GABRG3: variants seen among roughly 807,000 people sequenced by gnomAD.
GABRG3 encodes gamma-aminobutyric acid receptor subunit gamma-3.
In GABRG3, 25 loss-of-function variants were observed where a neutral mutation model predicts 48.8. That is an observed-to-expected ratio of 0.51 (90% CI 0.37 to 0.72). The LOEUF (loss-of-function observed/expected upper bound fraction) is 0.72. GABRG3 is among the 30% of genes least tolerant of loss of function. GABRG3 has a pLI of 0.00. For synonymous variants in GABRG3, 227 were observed against 217.6 expected (o/e 1.04, Z -0.38); for missense variants, 394 against 577.9 (o/e 0.68, Z 3.26).
At chr15:27,331,469 A>C (rs1253935304) in intron 5 of GABRG3, among the ~76,000 whole-genome samples, 1 of 152,244 alleles carries the variant, frequency 6.6e-6, no homozygotes, top group Admixed American at 6.5e-5. Context: ...ATGCATATTT[A>C]CTAGGTAAAA....
intron 3 of GABRG3, among the ~76,000 whole-genome samples, chr15:27,146,258 G>A (rs1370738775): frequency 6.6e-6 from 1 of 152,118 alleles, no homozygotes; most frequent in Non-Finnish European, 1.5e-5. Context: ...ATTGAGACCA[G>A]CCTGGCTAAC....
intron 2 of GABRG3, among the ~76,000 whole-genome samples, chr15:26,992,507 G>C (rs1483042312): frequency 1.3e-5 from 2 of 152,008 alleles, no homozygotes; most frequent in Non-Finnish European, 2.9e-5. Context: ...TTGTTCTGTC[G>C]ATATATCACA....
In GABRG3 at chr15:27,007,063, T is replaced by C. The variant is rs1895599508; in HGVS notation, c.203-19691T>C. On this transcript the variant is annotated intron_variant, in intron 2 of 9. Coordinates refer to ENST00000615808, the MANE Select transcript of GABRG3 (RefSeq NM_033223.5). The stretch of plus-strand genomic sequence containing the variant: ...GTTGTGAATAGTGCTGCAATGAACA[T>C]ACATGTGCATGTGTCTTTTTTTTTT... Among the ~76,000 whole-genome samples, 3 of 151,860 alleles carry C rather than the reference T, an allele frequency of 2.0e-5. No homozygotes were observed. The South Asian group carries it at 6.2e-4, about 32-fold the overall frequency.
chr15:27,302,266 C>T (rs550885120), intron 3 of GABRG3, among the ~76,000 whole-genome samples: 35 of 151,938 alleles, frequency 2.3e-4, no homozygotes, highest in Non-Finnish European at 2.9e-4. Context: ...GAGAGGGTAA[C>T]GGAATCTATA....
At chr15:27,203,473 T>G (rs1888754398) in intron 3 of GABRG3, among the ~76,000 whole-genome samples, 1 of 152,218 alleles carries the variant, frequency 6.6e-6, no homozygotes, top group African/African-American at 2.4e-5. Context: ...TCCATGTTTT[T>G]GGCATTGTGA....
intron 3 of GABRG3, among the ~76,000 whole-genome samples, chr15:27,221,441 ACAAT>A (rs35600755): frequency 0.017 from 2,546 of 152,302 alleles, 85 homozygotes; most frequent in African/African-American, 0.059. Flanking sequence ...GAAAACAAAA[ACAAT>A]CAACAACCAC....
At chr15:27,031,342 C>T (rs182693026) in intron 3 of GABRG3, among the ~76,000 whole-genome samples, 61 of 152,294 alleles carry the variant, frequency 4.0e-4, no homozygotes, top group Non-Finnish European at 6.9e-4. Flanking sequence ...TATCCCCAGA[C>T]GCTGGCAACC....
chr15:27,407,518 T>C (rs1887674108), intron 5 of GABRG3, among the ~76,000 whole-genome samples: 1 of 152,224 alleles, frequency 6.6e-6, no homozygotes, highest in African/African-American at 2.4e-5. Flanking sequence ...TGGATGTTTG[T>C]GGCAGCTTTA....
rs1251741976 is a variant in GABRG3, at chr15:27,307,407, A to ATG, written c.271-19401_271-19400insGT. ...TATATATAACCATATAGGTTTATATATTTATATATAAACATATAGGTTTAT... is the reference window on the plus strand; with the variant it reads ...TATATATAACCATATAGGTTTATATATGTTTATATATAAACATATAGGTTTAT... On this transcript the variant is annotated intron_variant, in intron 3 of 9. Coordinates refer to ENST00000615808, the MANE Select transcript of GABRG3 (RefSeq NM_033223.5). 1.9e-4 allele frequency among the ~76,000 whole-genome samples: 9 copies of ATG among 47,440 alleles called. 1 individual carries two copies. Among genetic ancestry groups the ATG allele is most frequent in the African/African-American group, 4.8e-4 (7 of 14,714 alleles). The allele number at this position is 47,440 out of a possible 152,430, so 31.1% of individuals were successfully genotyped here.
intron 3 of GABRG3, among the ~76,000 whole-genome samples, chr15:27,137,848 T>A (rs1384080545): frequency 6.6e-6 from 1 of 152,180 alleles, no homozygotes; most frequent in Non-Finnish European, 1.5e-5. Context: ...GGGCAAAGGT[T>A]ACTTTTATTT....
chr15:27,019,302 C>T (rs1321735214), intron 2 of GABRG3, among the ~76,000 whole-genome samples: 1 of 151,972 alleles, frequency 6.6e-6, no homozygotes, highest in East Asian at 1.9e-4. Context: ...AATCTCCTGA[C>T]CTCGTGATCC....
intron 3 of GABRG3, among the ~76,000 whole-genome samples, chr15:27,149,997 G>C (rs1461237342): frequency 1.3e-5 from 2 of 152,166 alleles, no homozygotes; most frequent in African/African-American, 2.4e-5. Context: ...CTGATTTTCA[G>C]ATTTACTGTG....
At chr15:27,280,837 C>T (rs922803306) in intron 3 of GABRG3, among the ~76,000 whole-genome samples, 1 of 152,094 alleles carries the variant, frequency 6.6e-6, no homozygotes, top group Non-Finnish European at 1.5e-5. Flanking sequence ...CAATTTAAGC[C>T]CATTCATTAA....
intron 3 of GABRG3, among the ~76,000 whole-genome samples, chr15:27,226,219 G>A (rs1889610205): frequency 6.6e-6 from 1 of 152,088 alleles, no homozygotes; most frequent in African/African-American, 2.4e-5. Flanking sequence ...AGGCACCCTG[G>A]TGATGCCCTC....
intron 3 of GABRG3, among the ~76,000 whole-genome samples, chr15:27,201,351 T>G (rs1595582119): frequency 3.6e-5 from 5 of 138,124 alleles, no homozygotes; most frequent in Admixed American, 7.2e-5. Context: ...GAGTGAGGGG[T>G]GCGTGTGTGT....
In GABRG3 at chr15:27,293,641, G is replaced by C. The variant is rs112580794; in HGVS notation, c.271-33168G>C. Among the ~76,000 whole-genome samples, 4 of 151,566 alleles carry C rather than the reference G, an allele frequency of 2.6e-5. 1 individual carries two copies. The highest frequency in any genetic ancestry group is 7.3e-5 in the African/African-American group (3 of 41,272). On this transcript the variant is annotated intron_variant, in intron 3 of 9. Transcript: ENST00000615808. ...TGCAGTGAGCCAGGATCATGCCACT[G>C]TACTCCAGCCTGGGCAACAGAGTGA...
chr15:27,426,233 A>T (rs1410556068), intron 5 of GABRG3, among the ~76,000 whole-genome samples: 1 of 152,196 alleles, frequency 6.6e-6, no homozygotes, highest in Admixed American at 6.5e-5. Context: ...AAAAAGAGAC[A>T]AAACTCATCT....
intron 3 of GABRG3, among the ~76,000 whole-genome samples, chr15:27,292,944 T>G (rs1255024559): frequency 2.0e-5 from 3 of 152,294 alleles, no homozygotes; most frequent in African/African-American, 4.8e-5. Flanking sequence ...TTGATATTAG[T>G]CATTAATAAT....
chr15:27,277,809 A>G (rs1891304252), intron 3 of GABRG3, among the ~76,000 whole-genome samples: 1 of 152,184 alleles, frequency 6.6e-6, no homozygotes, highest in Non-Finnish European at 1.5e-5. Flanking sequence ...AGGCCATTAA[A>G]GCATTATCTT....
Sources: allele counts gnomAD v4.1 joint callset (sites outside exome capture counted in the v4.1 genomes callset), GRCh38; gene constraint gnomAD v4.1.1; transcripts MANE v1.5; gene names NCBI Gene and HGNC (gene_info 2026-07-23, HGNC 2026-07-21).